The following IMMP2L variants were observed in gnomAD, a reference collection of about 807,000 sequenced individuals.
IMMP2L encodes the protein inner mitochondrial membrane peptidase subunit 2.
Under a neutral mutation model 19.3 loss-of-function variants are expected in IMMP2L, and 18 were observed. The observed-to-expected ratio is 0.93, with a 90% CI of 0.64 to 1.38. IMMP2L has a LOEUF of 1.38. Ranked by LOEUF, IMMP2L falls within the 40% of genes most tolerant of loss-of-function variation. The pLI, the probability that IMMP2L is intolerant of heterozygous loss-of-function variation, is 0.00. For synonymous variants in IMMP2L, 76 were observed against 73.0 expected (o/e 1.04, Z -0.21); for missense variants, 233 against 218.2 (o/e 1.07, Z -0.43).
chr7:111,481,697 T>C (rs900109785), intron 3 of IMMP2L, among the ~76,000 whole-genome samples: 3 of 152,144 alleles, frequency 2.0e-5, no homozygotes, highest in Non-Finnish European at 2.9e-5. Context: ...TTATTACCTA[T>C]CTTTAGAAGT....
At chr7:111,199,660 C>T (rs931289228) in intron 3 of IMMP2L, among the ~76,000 whole-genome samples, 1 of 152,068 alleles carries the variant, frequency 6.6e-6, no homozygotes, top group African/African-American at 2.4e-5. Flanking sequence ...CTTTCACTAT[C>T]ATTCTGTTTT....
intron 3 of IMMP2L, among the ~76,000 whole-genome samples, chr7:111,027,853 A>G (rs2129568169): frequency 6.6e-6 from 1 of 152,250 alleles, no homozygotes. Context: ...AATAGGACGA[A>G]ATCTAAATTC....
chr7:110,864,014 C>T (rs80273691), intron 5 of IMMP2L, among the ~76,000 whole-genome samples: 6,696 of 152,044 alleles, frequency 0.044, 477 homozygotes, highest in African/African-American at 0.15. Context: ...ATAATAGAAA[C>T]AATACATTCT....
At chr7:110,963,358 G>T in intron 4 of IMMP2L, 142 bp downstream of exon 4, 1 of 613,570 alleles carries the variant, frequency 1.6e-6, no homozygotes, top group African/African-American at 1.9e-5. Context: ...GGTTAATGAT[G>T]CTCACTAAAG....
At chr7:111,013,140 G>C (rs1825146919) in intron 3 of IMMP2L, among the ~76,000 whole-genome samples, 2 of 152,110 alleles carry the variant, frequency 1.3e-5, no homozygotes, top group South Asian at 2.1e-4. Flanking sequence ...TAAGGGAAAA[G>C]TACCTAAGGA....
intron 3 of IMMP2L, among the ~76,000 whole-genome samples, chr7:111,425,788 C>T (rs980408556): frequency 6.6e-6 from 1 of 151,140 alleles, no homozygotes; most frequent in African/African-American, 2.4e-5. Context: ...TCTTAGTTAC[C>T]CACCTGCTGG....
At chr7:111,095,448 C>CA (rs1194811602) in intron 3 of IMMP2L, among the ~76,000 whole-genome samples, 1 of 151,406 alleles carries the variant, frequency 6.6e-6, no homozygotes, top group East Asian at 1.9e-4. Flanking sequence ...CAGATATGTA[C>CA]AAAAAAGAGA....
At chr7:111,105,452 C>A (rs77625070) in intron 3 of IMMP2L, among the ~76,000 whole-genome samples, 1 of 151,844 alleles carries the variant, frequency 6.6e-6, no homozygotes, top group Non-Finnish European at 1.5e-5. Context: ...AGACTGCATA[C>A]GTTACCATCT....
At chr7:110,997,973 G>A (rs1823221562) in intron 3 of IMMP2L, among the ~76,000 whole-genome samples, 1 of 152,072 alleles carries the variant, frequency 6.6e-6, no homozygotes, top group Non-Finnish European at 1.5e-5. Context: ...AAGCTTCATT[G>A]TACTCAAACC....
chr7:111,446,740 C>G (rs1371561546), intron 3 of IMMP2L, among the ~76,000 whole-genome samples: 1 of 152,222 alleles, frequency 6.6e-6, no homozygotes, highest in Non-Finnish European at 1.5e-5. Flanking sequence ...AGGAACGCTT[C>G]AGACGATCAA....
chr7:110,755,601 A>C (rs1797991304), intron 5 of IMMP2L, among the ~76,000 whole-genome samples: 2 of 152,252 alleles, frequency 1.3e-5, no homozygotes, highest in African/African-American at 4.8e-5. Context: ...CTCTTCTCTG[A>C]ATGAGCTTTA....
intron 3 of IMMP2L, among the ~76,000 whole-genome samples, chr7:111,399,672 C>T (rs1016843371): frequency 1.3e-5 from 2 of 152,030 alleles, no homozygotes. Flanking sequence ...ATTATTAATG[C>T]ATTATTATTA....
chr7:111,343,172 A>AAGG (rs1256798541), intron 3 of IMMP2L, among the ~76,000 whole-genome samples: 4 of 152,120 alleles, frequency 2.6e-5, no homozygotes, highest in Admixed American at 2.6e-4. Flanking sequence ...CTACAATTAC[A>AAGG]AGGATCTTTG....
intron 1 of IMMP2L, among the ~76,000 whole-genome samples, chr7:111,543,157 T>C (rs1270933371): frequency 6.6e-6 from 1 of 152,188 alleles, no homozygotes; most frequent in Non-Finnish European, 1.5e-5. Context: ...ATAATCTTTA[T>C]GTGTAATACT....
chr7:111,224,977 T>A (rs899782891), intron 3 of IMMP2L, among the ~76,000 whole-genome samples: 1 of 152,148 alleles, frequency 6.6e-6, no homozygotes, highest in African/African-American at 2.4e-5. Context: ...AAATGGCAAA[T>A]ACACATAAAG....
At chr7:110,944,831 A>T (rs2129553418) in intron 4 of IMMP2L, among the ~76,000 whole-genome samples, 1 of 152,012 alleles carries the variant, frequency 6.6e-6, no homozygotes, top group South Asian at 2.1e-4. Flanking sequence ...TCTCTTAACC[A>T]TCCTAGAGAA....
chr7:110,776,918 T>C (rs1168533613), intron 5 of IMMP2L, among the ~76,000 whole-genome samples: 2 of 152,004 alleles, frequency 1.3e-5, no homozygotes, highest in Non-Finnish European at 2.9e-5. Context: ...AATGTTTGTC[T>C]TCCCCACTGA....
At chr7:110,822,511 T>G (rs1395408528) in intron 5 of IMMP2L, among the ~76,000 whole-genome samples, 1 of 152,128 alleles carries the variant, frequency 6.6e-6, no homozygotes. Context: ...TCCTAAACAC[T>G]TGTCCACTAA....
intron 4 of IMMP2L, among the ~76,000 whole-genome samples, chr7:110,945,611 T>C (rs1585382573): frequency 2.0e-5 from 3 of 151,902 alleles, no homozygotes; most frequent in South Asian, 2.1e-4. Context: ...ACTTTTTCTA[T>C]AGAAAAAGTA....
Sources: gnomAD v4.1 joint callset for allele counts (sites outside exome capture counted in the v4.1 genomes callset) on GRCh38, gnomAD v4.1.1 for gene constraint, MANE v1.5 for transcripts, NCBI Gene and HGNC (gene_info 2026-07-23, HGNC 2026-07-21) for gene names.